Variants in ARNT2 observed in about 807,000 individuals in gnomAD.
ARNT2 encodes the protein ARNT protein 2.
A neutral mutation model predicts 91.7 loss-of-function variants in ARNT2; 36 were observed. The observed-to-expected ratio is 0.39, with a 90% CI of 0.30 to 0.52. The LOEUF (loss-of-function observed/expected upper bound fraction) is 0.52. Ranked by LOEUF, ARNT2 falls within the 20% of genes least tolerant of loss-of-function variation. The probability of loss-of-function intolerance (pLI) is 0.72; values close to 1 mark genes in which losing one functional copy is unlikely to be tolerated. For missense variants in ARNT2, 775 were observed against 939.3 expected, an observed-to-expected ratio of 0.83 and a Z score of 2.29; for synonymous variants, 365 against 347.1, an observed-to-expected ratio of 1.05 and a Z score of -0.57.
At chr15:80,532,843 G>T (rs912265304) in intron 8 of ARNT2, among the ~76,000 whole-genome samples, 8 of 152,178 alleles carry the variant, frequency 5.3e-5, no homozygotes, top group Non-Finnish European at 4.4e-5. Context: ...TTGACCAGTG[G>T]GAGACCTTTG....
At chr15:80,498,280 C>T (rs1039345165) in intron 5 of ARNT2, among the ~76,000 whole-genome samples, 34 of 152,208 alleles carry the variant, frequency 2.2e-4, no homozygotes, top group Admixed American at 1.8e-3. Flanking sequence ...AAAATGTAGA[C>T]CTATCTAGGA....
At position 80,433,233 on chromosome 15, in the gene ARNT2, ATTTATTTTATTTTATTTTAT is replaced by A. The variant is rs1321371343; in HGVS notation, c.32-17598_32-17579del. 0.015 allele frequency among the ~76,000 whole-genome samples: 1,467 copies of A among 95,496 alleles called. 43 individuals are homozygous for A. In the East Asian group the frequency reaches 0.16, roughly 10 times the overall value. The allele number at this position is 95,496 out of a possible 152,430, so 62.6% of individuals were successfully genotyped here. A position where few individuals can be genotyped will look rare whatever the true frequency, so the allele number is the denominator to read the frequency against. ...CTTTTTAGAAAAGGCACTATATTTT[ATTTATTTTATTTTATTTTAT>A]TTTATTTTATTTTATTTTATTTTAT... is the stretch of plus-strand genomic sequence containing the variant. On this transcript the variant is annotated intron_variant, in intron 1 of 18. Coordinates refer to ENST00000303329, the MANE Select transcript of ARNT2 (RefSeq NM_014862.4).
chr15:80,578,067 A>G (rs1215581126), intron 15 of ARNT2, among the ~76,000 whole-genome samples: 1 of 151,700 alleles, frequency 6.6e-6, no homozygotes. Flanking sequence ...GCACGCACTG[A>G]CCGATCTCCG....
intron 1 of ARNT2, among the ~76,000 whole-genome samples, chr15:80,416,565 G>C (rs544150146): frequency 2.0e-5 from 3 of 152,096 alleles, no homozygotes; most frequent in Admixed American, 2.0e-4. Flanking sequence ...AGGATTATAA[G>C]TTACATTAAG....
At chr15:80,528,357 T>A (rs1162559218) in intron 8 of ARNT2, among the ~76,000 whole-genome samples, 3 of 151,038 alleles carry the variant, frequency 2.0e-5, no homozygotes, top group Non-Finnish European at 4.4e-5. Context: ...ATTTTAGATA[T>A]TTGACCATTT....
rs932606603 is a variant in ARNT2, at chr15:80,591,005, C to T, written c.1919-563C>T. Among the ~76,000 whole-genome samples the T allele has an allele frequency of 2.6e-5, 4 of 152,252 alleles. No homozygotes were observed. Among genetic ancestry groups the T allele is most frequent in the East Asian group, 1.9e-4 (1 of 5,184 alleles). ...CCCTGTAGGGGGACCTTGTATAATG[C>T]GTGTGTGGCTTCCGAGGAGTTGCTC... is the stretch of plus-strand genomic sequence containing the variant. On this transcript the variant is annotated intron_variant, in intron 17 of 18. Coordinates refer to ENST00000303329, the MANE Select transcript of ARNT2 (RefSeq NM_014862.4). The surrounding 1 kb of genome is among the most constrained non-coding windows in gnomAD (Gnocchi z 5.1).
chr15:80,426,963 T>C (rs1895941447), intron 1 of ARNT2, among the ~76,000 whole-genome samples: 1 of 152,192 alleles, frequency 6.6e-6, no homozygotes, highest in African/African-American at 2.4e-5. Flanking sequence ...CTTTTCATCC[T>C]ATCATGGAAG....
chr15:80,405,242 G>A (rs1895582349), intron 1 of ARNT2, among the ~76,000 whole-genome samples: 1 of 152,232 alleles, frequency 6.6e-6, no homozygotes, highest in South Asian at 2.1e-4. Flanking sequence ...TGATCAAGTG[G>A]CAACATTGAC....
At chr15:80,542,903 G>A (rs888907013) in intron 8 of ARNT2, among the ~76,000 whole-genome samples, 4 of 151,868 alleles carry the variant, frequency 2.6e-5, no homozygotes, top group African/African-American at 9.7e-5. Flanking sequence ...ATTTGTGCCA[G>A]CCTGGGCAAC....
At chr15:80,408,538 G>T (rs142185372) in intron 1 of ARNT2, among the ~76,000 whole-genome samples, 4 of 152,344 alleles carry the variant, frequency 2.6e-5, no homozygotes, top group East Asian at 3.9e-4. Context: ...CTGTCAAGTG[G>T]TTGCTTCCTC....
chr15:80,489,871 C>T (rs1308616661), intron 5 of ARNT2, among the ~76,000 whole-genome samples: 2 of 152,206 alleles, frequency 1.3e-5, no homozygotes, highest in Non-Finnish European at 2.9e-5. Flanking sequence ...CGTTTCCCCG[C>T]TGACCAGTTG....
At chr15:80,516,223 T>A (rs1407201877) in intron 8 of ARNT2, among the ~76,000 whole-genome samples, 1 of 152,246 alleles carries the variant, frequency 6.6e-6, no homozygotes, top group Admixed American at 6.5e-5. Context: ...ATAGTGCTGT[T>A]GAGGGCAACT....
chr15:80,409,747 A>G (rs1190883728), intron 1 of ARNT2, among the ~76,000 whole-genome samples: 1 of 152,208 alleles, frequency 6.6e-6, no homozygotes, highest in African/African-American at 2.4e-5. Context: ...AAGGGACCTA[A>G]ATTAGAGGAT....
intron 8 of ARNT2, among the ~76,000 whole-genome samples, chr15:80,539,907 G>A (rs554824777): frequency 2.4e-4 from 36 of 151,672 alleles, no homozygotes; most frequent in South Asian, 1.9e-3. Context: ...GCAAGGATGC[G>A]GAGAAAAGGA....
chr15:80,577,003 G>A (rs1178980006), intron 15 of ARNT2, 38 bp downstream of exon 15: 1 of 1,593,462 alleles, frequency 6.3e-7, no homozygotes, highest in Admixed American at 1.7e-5. Flanking sequence ...GTGGGAAGAT[G>A]CTCCCTCACC....
rs748399913 is a variant in ARNT2 at position 80,551,295 on chromosome 15, C to T, written c.954+20C>T. The T allele has an allele frequency of 3.1e-6, 5 of 1,604,126 alleles. No homozygotes were observed. Among genetic ancestry groups the T allele is most frequent in the Non-Finnish European group, 4.3e-6 (5 of 1,171,272 alleles). Reference sequence around the variant, plus strand: ...CTCCAGGTAAGAAAAAATTCGTAGCCTTTTTAATCTTAAATGAAGGCTTAT... The same window carrying T: ...CTCCAGGTAAGAAAAAATTCGTAGCTTTTTTAATCTTAAATGAAGGCTTAT... On this transcript the variant is annotated intron_variant, in intron 9 of 18. Coordinates refer to ENST00000303329, the MANE Select transcript of ARNT2 (RefSeq NM_014862.4).
At chr15:80,575,474 A>C (rs1038339826) in intron 14 of ARNT2, among the ~76,000 whole-genome samples, 1 of 152,190 alleles carries the variant, frequency 6.6e-6, no homozygotes, top group South Asian at 2.1e-4. Context: ...GAACTGTCAC[A>C]TTGGAGCCTG....
intron 1 of ARNT2, among the ~76,000 whole-genome samples, chr15:80,410,809 T>G (rs143750825): frequency 6.9e-6 from 1 of 144,502 alleles, no homozygotes; most frequent in African/African-American, 2.6e-5. Flanking sequence ...TCTATCTATC[T>G]ATCATCTATC....
At chr15:80,482,545 C>A (rs1287659439) in intron 5 of ARNT2, among the ~76,000 whole-genome samples, 5 of 152,162 alleles carry the variant, frequency 3.3e-5, no homozygotes, top group Admixed American at 1.3e-4. Context: ...GTAGTCAATG[C>A]CAAAGAAGCT....
Sources: allele counts gnomAD v4.1 joint callset (sites outside exome capture counted in the v4.1 genomes callset), GRCh38; gene constraint gnomAD v4.1.1; non-coding constraint Gnocchi (gnomAD v3.1); transcripts MANE v1.5; gene names NCBI Gene and HGNC (gene_info 2026-07-23, HGNC 2026-07-21).